Variants in MRPS25 observed in about 807,000 individuals in gnomAD.
MRPS25 encodes mitochondrial ribosomal protein S25, also known as small ribosomal subunit protein mS25.
A neutral mutation model predicts 17.3 loss-of-function variants in MRPS25; 15 were observed. The observed-to-expected ratio is 0.87, with a 90% CI of 0.58 to 1.34. The LOEUF (loss-of-function observed/expected upper bound fraction) is 1.34. Among genes scored for constraint, MRPS25 ranks in the 40% most tolerant of loss-of-function variants. MRPS25 has a pLI of 0.00. For missense variants in MRPS25, 225 were observed against 218.6 expected, an observed-to-expected ratio of 1.03 and a Z score of -0.19; for synonymous variants, 94 against 83.3, an observed-to-expected ratio of 1.13 and a Z score of -0.70.
downstream of MRPS25, chr3:15,042,707 G>T (rs62240395): frequency 2.4e-4 from 180 of 749,162 alleles, no homozygotes; most frequent in African/African-American, 2.9e-3. Flanking sequence ...AGAAAAGAGA[G>T]GTGGGTGGAT....
At chr3:15,062,875 C>T (rs1377370599) in intron 1 of MRPS25, among the ~76,000 whole-genome samples, 6 of 152,008 alleles carry the variant, frequency 3.9e-5, no homozygotes, top group African/African-American at 1.5e-4. Flanking sequence ...AAGCAGCATG[C>T]TCGTTAAGAG....
chr3:15,043,046 TC>T (rs764168079), downstream of MRPS25: 2 of 1,573,462 alleles, frequency 1.3e-6, no homozygotes, highest in South Asian at 2.3e-5. Flanking sequence ...ACAGAATCCT[TC>T]CAGGACCGTT....
downstream of MRPS25, chr3:15,047,040 G>A (rs2042480135): frequency 6.6e-6 from 1 of 152,662 alleles, no homozygotes; most frequent in South Asian, 2.1e-4. Flanking sequence ...TTTCTAGGCT[G>A]TAAGACTGAA....
Position 15,052,331 on chromosome 3 carries a change from T to C in MRPS25, c.*110A>G. 6.7e-7 allele frequency: 1 copy of C among 1,498,644 alleles called. No individual in the cohort carries two copies. The highest frequency in any genetic ancestry group is 2.3e-5 in the Admixed American group (1 of 43,002). The allele number at this position is 1,498,644 out of a possible 1,614,324, so 92.8% of individuals were successfully genotyped here. A position where few individuals can be genotyped will look rare whatever the true frequency, so the allele number is the denominator to read the frequency against. ...TAAAGTCCTTTTAATGCAAAAGGAT[T>C]TCCAGAGTCTCCAGGGACAGAACCA... On this transcript the variant is annotated 3_prime_UTR_variant, in exon 4 of 4. Coordinates refer to ENST00000253686, the MANE Select transcript of MRPS25 (RefSeq NM_022497.5).
intron 1 of MRPS25, among the ~76,000 whole-genome samples, chr3:15,064,076 T>C (rs1227321451): frequency 6.6e-6 from 1 of 152,118 alleles, no homozygotes; most frequent in African/African-American, 2.4e-5. Context: ...TGAAGGTCCG[T>C]CACCAAGGGG....
chr3:15,050,301 C>CCTGTGTCAAGCCTGAA lies in MRPS25; in HGVS notation c.*2124_*2139dup. 1 of 1,090,402 alleles carries CCTGTGTCAAGCCTGAA rather than the reference C, an allele frequency of 9.2e-7. No homozygotes were observed. Among genetic ancestry groups the CCTGTGTCAAGCCTGAA allele is most frequent in the Non-Finnish European group, 1.1e-6 (1 of 897,384 alleles). The allele number at this position is 1,090,402 out of a possible 1,614,324, so 67.5% of individuals were successfully genotyped here. On this transcript the variant is annotated 3_prime_UTR_variant, in exon 4 of 4. Transcript: ENST00000253686. ...GCTGTCCACCTCACTGCCCATTGCTCCTGTGTCAAGCCTGAACTCAAACCC... is the reference window on the plus strand; with the variant it reads ...GCTGTCCACCTCACTGCCCATTGCTCCTGTGTCAAGCCTGAACTGTGTCAAGCCTGAACTCAAACCC...
Position 15,065,082 on chromosome 3 carries a change from C to T in MRPS25, c.113G>A (p.Gly38Glu). 6.2e-7 allele frequency: 1 copy of T among 1,602,376 alleles called. No individual in the cohort carries two copies. The highest frequency in any genetic ancestry group is 1.1e-5 in the South Asian group (1 of 89,056). The change falls in exon 1 of 4, where the codon GGG (glycine) becomes GAG (glutamate). Residue 38 changes from glycine to glutamate, a missense_variant. Gly to Glu is a moderately conservative substitution (Grantham distance 98). Coordinates refer to ENST00000253686, the MANE Select transcript of MRPS25 (RefSeq NM_022497.5). ...TGACCTGGCGCCCTCGCCCAGCTCC[C>T]CATGCGTGTTGTAATTCACTGTCAT... ...KVMTVNYNTHGELGEGARKFV... is the reference protein window; with the variant it reads ...KVMTVNYNTHEELGEGARKFV...
intron 2 of MRPS25, among the ~76,000 whole-genome samples, chr3:15,057,811 CA>C (rs1377259999): frequency 6.6e-6 from 1 of 152,240 alleles, no homozygotes; most frequent in African/African-American, 2.4e-5. Flanking sequence ...AAAACACAAG[CA>C]AAGCTCACAT....
chr3:15,046,658 A>G (rs780662570), downstream of MRPS25: 5 of 152,322 alleles, frequency 3.3e-5, no homozygotes, highest in Non-Finnish European at 5.9e-5. Context: ...TCCAGTGTAA[A>G]TGACTTTATG....
chr3:15,045,756 G>A (rs1160999630), downstream of MRPS25: 1 of 152,656 alleles, frequency 6.6e-6, no homozygotes, highest in African/African-American at 2.4e-5. Context: ...CTTATTAGCA[G>A]TTTGTGAAAC....
intron 1 of MRPS25, among the ~76,000 whole-genome samples, chr3:15,064,560 A>C (rs2125140260): frequency 6.6e-6 from 1 of 152,316 alleles, no homozygotes; most frequent in Middle Eastern, 3.4e-3. Flanking sequence ...CCCCAGCCTT[A>C]GAGTGGGGAT....
intron 2 of MRPS25, among the ~76,000 whole-genome samples, chr3:15,053,859 G>C (rs2042638441): frequency 6.6e-6 from 1 of 152,136 alleles, no homozygotes; most frequent in Non-Finnish European, 1.5e-5. Context: ...GGACCCAAAA[G>C]AGCCAAAACA....
At chr3:15,060,530 A>G (rs993325851) in intron 1 of MRPS25, among the ~76,000 whole-genome samples, 34 of 151,516 alleles carry the variant, frequency 2.2e-4, no homozygotes, top group African/African-American at 5.3e-4. Context: ...AAAAAAAAAA[A>G]AAAAGAAAAG....
intron 1 of MRPS25, among the ~76,000 whole-genome samples, chr3:15,061,833 G>A (rs1458232145): frequency 4.0e-5 from 6 of 151,176 alleles, no homozygotes; most frequent in Non-Finnish European, 5.9e-5. Context: ...CCGCGACCCC[G>A]TCTGGGAGGT....
At chr3:15,061,214 C>G (rs1391003655) in intron 1 of MRPS25, among the ~76,000 whole-genome samples, 1 of 152,136 alleles carries the variant, frequency 6.6e-6, no homozygotes, top group Non-Finnish European at 1.5e-5. Context: ...CTCCGTCTCC[C>G]TCTCCCCACG....
chr3:15,053,432 T>C lies in MRPS25; in HGVS notation c.277A>G (p.Lys93Glu). 2.5e-6 allele frequency: 4 copies of C among 1,614,206 alleles called. No homozygotes were observed. Among genetic ancestry groups the C allele is most frequent in the East Asian group, 2.2e-5 (1 of 44,880 alleles). Residue 93 changes from lysine to glutamate, a missense_variant, in exon 3 of 4, where the codon AAG becomes GAG. Transcript: ENST00000253686. ...TGCTCCATGATCTCCTTATTGCTCT[T>C]GGTCTCCACATCCACCAGGACCTGC... The part of the protein sequence containing the change: ...GEQVLVDVET[K>E]SNKEIMEHIR...
At position 15,052,396 on chromosome 3, in the gene MRPS25, C is replaced by G; in HGVS notation, c.*45G>C. On this transcript the variant is annotated 3_prime_UTR_variant, in exon 4 of 4. Coordinates refer to ENST00000253686, the MANE Select transcript of MRPS25 (RefSeq NM_022497.5). ...CCAAAGTAATCCCATTCCAATCTCC[C>G]CACTGGTCAGACACCATCACCCCAG... 6.3e-7 allele frequency: 1 copy of G among 1,581,338 alleles called. No individual in the cohort carries two copies. Among genetic ancestry groups the G allele is most frequent in the African/African-American group, 1.4e-5 (1 of 74,020 alleles).
At chr3:15,059,147 G>A (rs2042711818) in intron 2 of MRPS25, among the ~76,000 whole-genome samples, 1 of 152,034 alleles carries the variant, frequency 6.6e-6, no homozygotes, top group African/African-American at 2.4e-5. Flanking sequence ...TTACCCCCAT[G>A]GTGTGAGGCA....
intron 1 of MRPS25, among the ~76,000 whole-genome samples, chr3:15,062,506 C>T (rs868779647): frequency 2.7e-5 from 4 of 149,246 alleles, no homozygotes; most frequent in East Asian, 4.0e-4. Context: ...CGCCTCTGCC[C>T]GGCCGCCCCT....
Sources: allele counts gnomAD v4.1 joint callset (sites outside exome capture counted in the v4.1 genomes callset), GRCh38; gene constraint gnomAD v4.1.1; transcripts MANE v1.5; gene names NCBI Gene and HGNC (gene_info 2026-07-23, HGNC 2026-07-21).